KCNIP3: variants seen among roughly 807,000 people sequenced by gnomAD.
KCNIP3 encodes the protein potassium voltage-gated channel interacting protein 3.
A neutral mutation model predicts 35.0 loss-of-function variants in KCNIP3; 28 were observed. The ratio of observed to expected loss-of-function variants is 0.80; its 90% CI spans 0.59 to 1.10. The LOEUF (loss-of-function observed/expected upper bound fraction) is 1.10. KCNIP3 is among the 50% of genes least tolerant of loss of function. The probability of loss-of-function intolerance (pLI) is 0.00; values close to 1 mark genes in which losing one functional copy is unlikely to be tolerated. For missense variants in KCNIP3, 295 were observed against 338.4 expected (o/e 0.87, Z 1.01); for synonymous variants, 134 against 133.8 (o/e 1.00, Z -0.01).
At chr2:95,307,892 C>G (rs2104205973) in intron 1 of KCNIP3, among the ~76,000 whole-genome samples, 1 of 152,322 alleles carries the variant, frequency 6.6e-6, no homozygotes, top group Non-Finnish European at 1.5e-5. Flanking sequence ...CACCTGCTGC[C>G]CCTCTCTCCC....
intron 2 of KCNIP3, among the ~76,000 whole-genome samples, chr2:95,349,834 G>A (rs1161514199): frequency 5.9e-5 from 9 of 152,230 alleles, no homozygotes; most frequent in Admixed American, 3.9e-4. Flanking sequence ...TTCGGCAAGT[G>A]TGCGAGAGCT....
At position 95,361,250 on chromosome 2, in the gene KCNIP3, A is replaced by G. The variant is rs538775430; in HGVS notation, c.182-13046A>G. Among the ~76,000 whole-genome samples, 315 of 152,288 alleles carry G rather than the reference A, an allele frequency of 2.1e-3. 1 individual carries two copies. Among genetic ancestry groups the G allele is most frequent in the Non-Finnish European group, 3.0e-3 (204 of 68,020 alleles). ...CCATGTCTTGGTGGATGACACCAGC[A>G]GTCACCCTGTTTCCCAGGTCAGAAA... is the stretch of plus-strand genomic sequence containing the variant. On this transcript the variant is annotated intron_variant, in intron 2 of 8. Coordinates refer to ENST00000295225, the MANE Select transcript of KCNIP3 (RefSeq NM_013434.5).
intron 7 of KCNIP3, 87 bp from the exon 8 acceptor site, chr2:95,383,145 C>T (rs1680390779): frequency 3.9e-6 from 4 of 1,018,948 alleles, no homozygotes; most frequent in Admixed American, 2.0e-5. Context: ...GCCCATCCAC[C>T]CACCCATGAC....
intron 5 of KCNIP3, among the ~76,000 whole-genome samples, chr2:95,381,106 C>T (rs1289721668): frequency 2.0e-5 from 3 of 152,196 alleles, no homozygotes. Flanking sequence ...CATAGAGCAC[C>T]TCCTTTATTA....
At chr2:95,322,833 T>C (rs1381864548) in intron 2 of KCNIP3, among the ~76,000 whole-genome samples, 1 of 152,204 alleles carries the variant, frequency 6.6e-6, no homozygotes, top group African/African-American at 2.4e-5. Context: ...CCCCAGCCCT[T>C]GGCAGCTCTC....
intron 2 of KCNIP3, among the ~76,000 whole-genome samples, chr2:95,343,518 A>G (rs1161341288): frequency 6.6e-6 from 1 of 152,184 alleles, no homozygotes; most frequent in Non-Finnish European, 1.5e-5. Context: ...TCCCTCAAAC[A>G]GCATGCATCC....
At chr2:95,346,984 GC>G in intron 2 of KCNIP3, 1 of 1,522,952 alleles carries the variant, frequency 6.6e-7, no homozygotes, top group Non-Finnish European at 8.9e-7. Context: ...CGAGGGGTGC[GC>G]CCGGGCCCCA....
chr2:95,358,888 C>T (rs893981295), intron 2 of KCNIP3, among the ~76,000 whole-genome samples: 3 of 152,072 alleles, frequency 2.0e-5, no homozygotes, highest in Admixed American at 6.5e-5. Flanking sequence ...GTCCTAGCTA[C>T]GTGGAAGGCT....
intron 2 of KCNIP3, among the ~76,000 whole-genome samples, chr2:95,315,381 G>A (rs1266068585): frequency 2.0e-5 from 3 of 152,174 alleles, no homozygotes; most frequent in African/African-American, 4.8e-5. Context: ...GCTGTGAGGT[G>A]CACAGAGGGG....
intron 2 of KCNIP3, among the ~76,000 whole-genome samples, chr2:95,316,703 G>C (rs1678469237): frequency 6.6e-6 from 1 of 152,212 alleles, no homozygotes; most frequent in Non-Finnish European, 1.5e-5. Flanking sequence ...CCACTGGCCA[G>C]AGATAAGCTG....
chr2:95,319,233 G>A (rs1204663309), intron 2 of KCNIP3, among the ~76,000 whole-genome samples: 23 of 152,250 alleles, frequency 1.5e-4, no homozygotes, highest in Admixed American at 1.4e-3. Context: ...CTGTGCGGAG[G>A]CTGGTGGAGC....
chr2:95,361,147 A>G (rs924544186), intron 2 of KCNIP3, among the ~76,000 whole-genome samples: 1 of 152,194 alleles, frequency 6.6e-6, no homozygotes, highest in African/African-American at 2.4e-5. Context: ...CAAGTTTCCT[A>G]TAGACAGTGC....
At chr2:95,364,454 T>C (rs1181073660) in intron 2 of KCNIP3, among the ~76,000 whole-genome samples, 1 of 152,132 alleles carries the variant, frequency 6.6e-6, no homozygotes, top group Non-Finnish European at 1.5e-5. Flanking sequence ...ACTCTTGCGT[T>C]TTCTGATATG....
intron 2 of KCNIP3, among the ~76,000 whole-genome samples, chr2:95,337,565 C>A (rs559793912): frequency 6.6e-6 from 1 of 152,178 alleles, no homozygotes; most frequent in Non-Finnish European, 1.5e-5. Flanking sequence ...TTATTGAGTA[C>A]CTCAAATGGA....
chr2:95,326,484 C>T (rs1272801670), intron 2 of KCNIP3, among the ~76,000 whole-genome samples: 1 of 152,232 alleles, frequency 6.6e-6, no homozygotes, highest in African/African-American at 2.4e-5. Context: ...AAATTCTTAG[C>T]GCCCAACATG....
At chr2:95,367,307 C>A (rs1383391495) in intron 2 of KCNIP3, among the ~76,000 whole-genome samples, 1 of 151,966 alleles carries the variant, frequency 6.6e-6, no homozygotes, top group Non-Finnish European at 1.5e-5. Flanking sequence ...AATAAAAAAA[C>A]CAATATCTTT....
intron 1 of KCNIP3, among the ~76,000 whole-genome samples, chr2:95,304,159 A>T (rs1678115989): frequency 6.6e-6 from 1 of 152,198 alleles, no homozygotes; most frequent in South Asian, 2.1e-4. Flanking sequence ...CACAGAGAGA[A>T]ACATACACTT....
intron 2 of KCNIP3, among the ~76,000 whole-genome samples, chr2:95,370,583 G>T (rs1680019253): frequency 6.6e-6 from 1 of 152,040 alleles, no homozygotes; most frequent in African/African-American, 2.4e-5. Flanking sequence ...CTTGTCTTTT[G>T]CCTGTTTACA....
chr2:95,381,231 A>G (rs1680329010), intron 5 of KCNIP3, among the ~76,000 whole-genome samples: 2 of 152,198 alleles, frequency 1.3e-5, no homozygotes, highest in South Asian at 4.1e-4. Context: ...CACTCCTGCC[A>G]CACATGCAGA....
Sources: gnomAD v4.1 joint callset for allele counts (sites outside exome capture counted in the v4.1 genomes callset) on GRCh38, gnomAD v4.1.1 for gene constraint, MANE v1.5 for transcripts, NCBI Gene and HGNC (gene_info 2026-07-23, HGNC 2026-07-21) for gene names.